CDYL2: variants seen among roughly 807,000 people sequenced by gnomAD.
CDYL2 encodes chromodomain Y-like protein 2.
In CDYL2, 23 loss-of-function variants were observed where a neutral mutation model predicts 49.4. That is an observed-to-expected ratio of 0.47 (90% CI 0.34 to 0.66). CDYL2 has a LOEUF of 0.66. Among genes scored for constraint, CDYL2 ranks in the 30% least tolerant of loss-of-function variants. The probability of loss-of-function intolerance (pLI) is 0.01; values close to 1 mark genes in which losing one functional copy is unlikely to be tolerated. For missense variants in CDYL2, 678 were observed against 656.4 expected (o/e 1.03, Z -0.36); for synonymous variants, 360 against 268.8 (o/e 1.34, Z -3.32).
At position 80,774,185 on chromosome 16, in the gene CDYL2, T is replaced by G. The variant is rs141782310; in HGVS notation, c.24+29965A>C. On this transcript the variant is annotated intron_variant, in intron 1 of 6. Transcript: ENST00000570137. ...GTGACAAAAACAAAGAAAATTTATT[T>G]GATACATACACATAAACAATGGAAT... 4.3e-4 allele frequency among the ~76,000 whole-genome samples: 65 copies of G among 152,232 alleles called. No individual in the cohort carries two copies. The Middle Eastern group carries it at 0.01, about 24-fold the overall frequency.
rs1349158805 is a variant in CDYL2 at position 80,617,324 on chromosome 16, G to A, written c.1007+3439C>T. On this transcript the variant is annotated intron_variant, in intron 4 of 6. Coordinates refer to ENST00000570137, the MANE Select transcript of CDYL2 (RefSeq NM_152342.4). ...ACCAGGAGCGTGTCCCAAGAGAAGA[G>A]ATGGTGGCAGTTCTATGTCCAAACA... 3.3e-5 allele frequency among the ~76,000 whole-genome samples: 5 copies of A among 152,330 alleles called. No individual in the cohort carries two copies. The East Asian group carries it at 7.7e-4, about 24-fold the overall frequency.
chr16:80,716,333 G>C (rs1341525933), intron 1 of CDYL2, among the ~76,000 whole-genome samples: 1 of 152,228 alleles, frequency 6.6e-6, no homozygotes, highest in Non-Finnish European at 1.5e-5. Context: ...GTCTGGTTTT[G>C]CTCACACTAT....
chr16:80,609,933 G>A (rs1280662675), intron 5 of CDYL2, among the ~76,000 whole-genome samples: 8 of 152,298 alleles, frequency 5.3e-5, no homozygotes, highest in African/African-American at 1.9e-4. Flanking sequence ...CTCTGGGCAA[G>A]TCACTTAACG....
In CDYL2 at chr16:80,605,340, T is replaced by C. The variant is rs1320562833; in HGVS notation, c.1363-794A>G. 3.2e-4 allele frequency among the ~76,000 whole-genome samples: 47 copies of C among 148,402 alleles called. No individual in the cohort carries two copies. In the Admixed American group the frequency reaches 3.2e-3, roughly 10 times the overall value. The stretch of plus-strand genomic sequence containing the variant: ...CACATGTATATATGTATATACACTA[T>C]AATATATACATATTATATTATGTAT... On this transcript the variant is annotated intron_variant, in intron 6 of 6. Transcript: ENST00000570137.
chr16:80,751,443 A>G (rs1906133940), intron 1 of CDYL2, among the ~76,000 whole-genome samples: 1 of 152,236 alleles, frequency 6.6e-6, no homozygotes, highest in African/African-American at 2.4e-5. Flanking sequence ...TGGCAGAAAC[A>G]TAAACAGAAA....
At chr16:80,736,445 T>C (rs892044265) in intron 1 of CDYL2, 2 of 152,196 alleles carry the variant, frequency 1.3e-5, no homozygotes, top group African/African-American at 4.8e-5. Context: ...AACATGACAG[T>C]GAGCAAGAGA....
intron 2 of CDYL2, among the ~76,000 whole-genome samples, chr16:80,664,723 G>C (rs1166672167): frequency 6.6e-6 from 1 of 152,116 alleles, no homozygotes; most frequent in Non-Finnish European, 1.5e-5. Flanking sequence ...AGGAATCTAG[G>C]TCTCAAGCCA....
intron 1 of CDYL2, among the ~76,000 whole-genome samples, chr16:80,764,823 G>A (rs968814857): frequency 6.6e-6 from 1 of 151,980 alleles, no homozygotes; most frequent in East Asian, 1.9e-4. Context: ...CACTTTGTGA[G>A]GCCGAGGCAG....
At chr16:80,741,479 A>C (rs1286336325) in intron 1 of CDYL2, among the ~76,000 whole-genome samples, 1 of 152,176 alleles carries the variant, frequency 6.6e-6, no homozygotes, top group Non-Finnish European at 1.5e-5. Context: ...GGTTTTAAAA[A>C]AACATTATGG....
intron 2 of CDYL2, among the ~76,000 whole-genome samples, chr16:80,638,747 G>C (rs952809674): frequency 6.6e-6 from 1 of 151,948 alleles, no homozygotes; most frequent in Non-Finnish European, 1.5e-5. Context: ...TCAACAAATT[G>C]TACTGGAACA....
intron 1 of CDYL2, among the ~76,000 whole-genome samples, chr16:80,770,164 A>G (rs1906859089): frequency 6.6e-6 from 1 of 152,212 alleles, no homozygotes; most frequent in Non-Finnish European, 1.5e-5. Flanking sequence ...TCTCCAGAAA[A>G]ACTAAAATAT....
intron 6 of CDYL2, among the ~76,000 whole-genome samples, chr16:80,606,301 T>C (rs1906330122): frequency 1.3e-5 from 2 of 152,242 alleles, no homozygotes; most frequent in East Asian, 1.9e-4. Flanking sequence ...CCAGCATTCC[T>C]GAATTCACAG....
At chr16:80,702,477 A>G (rs941696576) in intron 1 of CDYL2, among the ~76,000 whole-genome samples, 1 of 152,334 alleles carries the variant, frequency 6.6e-6, no homozygotes, top group East Asian at 1.9e-4. Context: ...AGGTCTGGAC[A>G]TGAGGGCTCA....
At chr16:80,621,744 C>T (rs901249797) in intron 3 of CDYL2, among the ~76,000 whole-genome samples, 2 of 152,200 alleles carry the variant, frequency 1.3e-5, no homozygotes, top group Non-Finnish European at 2.9e-5. Context: ...TGCTGGCCAC[C>T]CTGCCATCAT....
chr16:80,660,997 G>T (rs547519899), intron 2 of CDYL2, among the ~76,000 whole-genome samples: 16 of 152,136 alleles, frequency 1.1e-4, no homozygotes, highest in Non-Finnish European at 2.9e-5. Flanking sequence ...GGCTGGGGTT[G>T]GGGTGAGGCC....
At chr16:80,673,918 G>C (rs921791286) in intron 2 of CDYL2, among the ~76,000 whole-genome samples, 1 of 152,184 alleles carries the variant, frequency 6.6e-6, no homozygotes, top group Admixed American at 6.5e-5. Flanking sequence ...TGGATGCAAA[G>C]GTTATAGAGA....
chr16:80,641,843 C>G (rs912623157), intron 2 of CDYL2, among the ~76,000 whole-genome samples: 19 of 150,806 alleles, frequency 1.3e-4, no homozygotes, highest in Non-Finnish European at 2.7e-4. Context: ...CACATGTATA[C>G]ATATGTAACA....
chr16:80,696,492 C>G (rs2142494486), intron 1 of CDYL2, among the ~76,000 whole-genome samples: 1 of 151,642 alleles, frequency 6.6e-6, no homozygotes, highest in Non-Finnish European at 1.5e-5. Context: ...ATAGAGAAGA[C>G]ACAAATAAAA....
At chr16:80,617,261 C>G (rs1201838865) in intron 4 of CDYL2, among the ~76,000 whole-genome samples, 1 of 152,214 alleles carries the variant, frequency 6.6e-6, no homozygotes, top group Admixed American at 6.5e-5. Context: ...GTACCACTCA[C>G]GGGGTGCCAA....
Sources: gnomAD v4.1 joint callset for allele counts (sites outside exome capture counted in the v4.1 genomes callset) on GRCh38, gnomAD v4.1.1 for gene constraint, MANE v1.5 for transcripts, NCBI Gene and HGNC (gene_info 2026-07-23, HGNC 2026-07-21) for gene names.